The following SCGB2B2 variants were observed in gnomAD, a reference collection of about 807,000 sequenced individuals.
SCGB2B2 encodes the protein secretoglobin-like protein.
In SCGB2B2, 11 loss-of-function variants were observed where a neutral mutation model predicts 7.6. The observed-to-expected ratio is 1.45, with a 90% CI of 0.91 to 2.40. SCGB2B2 has a LOEUF of 2.40. Ranked by LOEUF, SCGB2B2 falls within the 30% of genes most tolerant of loss-of-function variation. The pLI is 0.00. For synonymous variants in SCGB2B2, 50 were observed against 48.6 expected, an observed-to-expected ratio of 1.03 and a Z score of -0.12; for missense variants, 104 against 115.4, an observed-to-expected ratio of 0.90 and a Z score of 0.45.
At position 34,651,807 on chromosome 19, in the gene SCGB2B2, C is replaced by T. The variant is rs1305944047; in HGVS notation, c.-2032+23823G>A. On this transcript the variant is annotated intron_variant, in intron 1 of 3. Coordinates refer to ENST00000601241, the MANE Select transcript of SCGB2B2 (RefSeq NM_001025591.4). ...AAAATTTATATGAAACTACAAAAGA[C>T]TCTGAGTGGCCAAAGCAATCCTGAG... Among the ~76,000 whole-genome samples the T allele has an allele frequency of 1.3e-5, 2 of 151,196 alleles. 1 individual carries two copies. Among genetic ancestry groups the T allele is most frequent in the African/African-American group, 4.9e-5 (2 of 40,556 alleles).
chr19:34,638,934 C>T (rs1179096060), intron 1 of SCGB2B2, among the ~76,000 whole-genome samples: 1 of 152,180 alleles, frequency 6.6e-6, no homozygotes, highest in African/African-American at 2.4e-5. Flanking sequence ...AACCTTAGAT[C>T]TACATCACAC....
rs1419124047 is a variant in SCGB2B2 at position 34,623,994 on chromosome 19, G to C, written c.-2031-27400C>G. Among the ~76,000 whole-genome samples the C allele has an allele frequency of 5.9e-5, 9 of 152,300 alleles. No individual in the cohort carries two copies. In the East Asian group the frequency reaches 1.5e-3, roughly 26 times the overall value. ...AGGGCATGAGGTCTGATCACTTATA[G>C]AGGGATGCAGGAGGAAAAAGAGTTG... On this transcript the variant is annotated intron_variant, in intron 1 of 3. Coordinates refer to ENST00000601241, the MANE Select transcript of SCGB2B2 (RefSeq NM_001025591.4).
chr19:34,631,341 C>G (rs1369823820), intron 1 of SCGB2B2, among the ~76,000 whole-genome samples: 1 of 141,720 alleles, frequency 7.1e-6, no homozygotes, highest in African/African-American at 2.7e-5. Flanking sequence ...TTTAGCTCAT[C>G]ATTCTATCGT....
intron 1 of SCGB2B2, among the ~76,000 whole-genome samples, chr19:34,655,699 C>T (rs2067263578): frequency 6.6e-6 from 1 of 151,320 alleles, no homozygotes; most frequent in African/African-American, 2.5e-5. Context: ...TCTCAGATAC[C>T]TTCTGGTTCA....
At chr19:34,656,847 AAAAG>A (rs936140446) in intron 1 of SCGB2B2, among the ~76,000 whole-genome samples, 3 of 151,318 alleles carry the variant, frequency 2.0e-5, no homozygotes, top group Admixed American at 6.6e-5. Flanking sequence ...TATCAAGAGC[AAAAG>A]AAAGAAACAA....
At chr19:34,615,001 A>G (rs948953198) in intron 1 of SCGB2B2, among the ~76,000 whole-genome samples, 1 of 152,176 alleles carries the variant, frequency 6.6e-6, no homozygotes, top group Non-Finnish European at 1.5e-5. Context: ...TTTTCTGCTC[A>G]GCACCACAGG....
At chr19:34,598,810 C>G (rs767623044) in intron 1 of SCGB2B2, among the ~76,000 whole-genome samples, 1 of 152,226 alleles carries the variant, frequency 6.6e-6, no homozygotes, top group Non-Finnish European at 1.5e-5. Context: ...TGCTTCTGAT[C>G]CCCAGTTGTT....
chr19:34,602,138 A>AT (rs1218561139), intron 1 of SCGB2B2, among the ~76,000 whole-genome samples: 2 of 152,126 alleles, frequency 1.3e-5, no homozygotes, highest in Admixed American at 6.6e-5. Flanking sequence ...TTCTAAGAGC[A>AT]TTTTTTTAAA....
chr19:34,601,234 C>T (rs55808922), intron 1 of SCGB2B2, among the ~76,000 whole-genome samples: 12,994 of 152,248 alleles, frequency 0.085, 698 homozygotes, highest in East Asian at 0.28. Flanking sequence ...TCTATTTTGT[C>T]TCACTAGTCT....
At chr19:34,636,368 A>G (rs1290960808) in intron 1 of SCGB2B2, among the ~76,000 whole-genome samples, 1 of 152,178 alleles carries the variant, frequency 6.6e-6, no homozygotes, top group African/African-American at 2.4e-5. Context: ...GGGAGGAGCA[A>G]GGGCACAGCG....
chr19:34,666,374 AC>A (rs2067622071), intron 1 of SCGB2B2, among the ~76,000 whole-genome samples: 1 of 151,996 alleles, frequency 6.6e-6, no homozygotes, highest in Non-Finnish European at 1.5e-5. Context: ...TTCTACTCAC[AC>A]ACACACAATC....
At chr19:34,672,737 C>T (rs1295268093) in intron 1 of SCGB2B2, among the ~76,000 whole-genome samples, 1 of 152,198 alleles carries the variant, frequency 6.6e-6, no homozygotes, top group Non-Finnish European at 1.5e-5. Flanking sequence ...CAATATGGGA[C>T]TCATTTGAAC....
At chr19:34,622,725 G>A (rs1433127323) in intron 1 of SCGB2B2, among the ~76,000 whole-genome samples, 2 of 152,144 alleles carry the variant, frequency 1.3e-5, no homozygotes, top group Non-Finnish European at 2.9e-5. Flanking sequence ...GCTTCAACCT[G>A]AGGGTGAGAA....
intron 1 of SCGB2B2, among the ~76,000 whole-genome samples, chr19:34,625,765 A>G (rs1023647087): frequency 6.6e-6 from 1 of 152,202 alleles, no homozygotes; most frequent in Admixed American, 6.5e-5. Context: ...AGCTTTGAAG[A>G]GAGTAGTGGT....
chr19:34,615,529 C>A (rs571877351), intron 1 of SCGB2B2, among the ~76,000 whole-genome samples: 2 of 151,020 alleles, frequency 1.3e-5, no homozygotes, highest in African/African-American at 4.9e-5. Context: ...TTCCTGTACT[C>A]TCCTTCAAGT....
intron 1 of SCGB2B2, chr19:34,640,559 A>C (rs917092538): frequency 6.6e-6 from 1 of 152,238 alleles, no homozygotes; most frequent in Non-Finnish European, 1.5e-5. Flanking sequence ...AAATACATGA[A>C]GAAAATTTCA....
intron 1 of SCGB2B2, among the ~76,000 whole-genome samples, chr19:34,668,115 C>T (rs1469460326): frequency 6.6e-6 from 1 of 152,244 alleles, no homozygotes; most frequent in Admixed American, 6.5e-5. Context: ...CCCTTCAGCC[C>T]AGCGCTGCAC....
intron 1 of SCGB2B2, among the ~76,000 whole-genome samples, chr19:34,606,516 T>C (rs200296919): frequency 1.4e-3 from 147 of 105,944 alleles, no homozygotes; most frequent in African/African-American, 3.8e-3. Flanking sequence ...CTTTTCTTTT[T>C]CTTTTTTTTT....
chr19:34,655,320 G>A (rs557326595), intron 1 of SCGB2B2, among the ~76,000 whole-genome samples: 1 of 151,034 alleles, frequency 6.6e-6, no homozygotes, highest in Non-Finnish European at 1.5e-5. Flanking sequence ...AAATCTATTC[G>A]TTCTGAAGCC....
Sources: gnomAD v4.1 joint callset for allele counts (sites outside exome capture counted in the v4.1 genomes callset) on GRCh38, gnomAD v4.1.1 for gene constraint, MANE v1.5 for transcripts, NCBI Gene and HGNC (gene_info 2026-07-23, HGNC 2026-07-21) for gene names.